The following ARHGAP26 variants were observed in gnomAD, a reference collection of about 807,000 sequenced individuals.
ARHGAP26 encodes Rho GTPase activating protein 26.
A neutral mutation model predicts 104.8 loss-of-function variants in ARHGAP26; 38 were observed. The observed-to-expected ratio is 0.36, with a 90% CI of 0.28 to 0.48. The LOEUF (loss-of-function observed/expected upper bound fraction) is 0.48, where lower values mean the gene tolerates loss of function less well. Ranked by LOEUF, ARHGAP26 falls within the 20% of genes least tolerant of loss-of-function variation. The probability of loss-of-function intolerance (pLI) is 0.99; values close to 1 mark genes in which losing one functional copy is unlikely to be tolerated. For missense variants in ARHGAP26, 704 were observed against 947.9 expected (o/e 0.74, Z 3.38); for synonymous variants, 341 against 340.0 (o/e 1.00, Z -0.03).
chr5:142,822,575 A>G (rs922551920), intron 1 of ARHGAP26, among the ~76,000 whole-genome samples: 1 of 152,148 alleles, frequency 6.6e-6, no homozygotes, highest in Non-Finnish European at 1.5e-5. Flanking sequence ...CATATTTATC[A>G]GATACCATAT....
intron 13 of ARHGAP26, 107 bp downstream of exon 13, chr5:143,037,368 C>T (rs904998665): frequency 1.2e-6 from 1 of 851,958 alleles, no homozygotes; most frequent in East Asian, 2.9e-5. Flanking sequence ...TCATTAGCTC[C>T]CCAAGTGCCA....
intron 11 of ARHGAP26, among the ~76,000 whole-genome samples, chr5:142,965,848 G>C (rs1771233696): frequency 6.6e-6 from 1 of 152,196 alleles, no homozygotes. Context: ...CAGTGATTTT[G>C]TTGGTCTCGT....
intron 5 of ARHGAP26, among the ~76,000 whole-genome samples, chr5:142,888,627 C>A (rs1425669843): frequency 6.6e-6 from 1 of 152,140 alleles, no homozygotes. Flanking sequence ...AAATTCCAGC[C>A]CATCCCTAGA....
chr5:142,993,104 C>T (rs529516615), intron 11 of ARHGAP26, among the ~76,000 whole-genome samples: 2 of 151,624 alleles, frequency 1.3e-5, no homozygotes, highest in African/African-American at 4.8e-5. Flanking sequence ...GCCTCAGCTT[C>T]CTGAGTAGCT....
chr5:142,997,727 C>G (rs1300697402), intron 11 of ARHGAP26, among the ~76,000 whole-genome samples: 1 of 151,914 alleles, frequency 6.6e-6, no homozygotes, highest in Non-Finnish European at 1.5e-5. Context: ...CAATAAATGC[C>G]CTTTTCACAC....
chr5:142,892,619 A>G (rs1352347635), intron 5 of ARHGAP26, among the ~76,000 whole-genome samples: 1 of 149,954 alleles, frequency 6.7e-6, no homozygotes, highest in Non-Finnish European at 1.5e-5. Context: ...TGGTTTGTTG[A>G]TTACTTTTAA....
chr5:143,109,339 CATTTT>C (rs1193737238), intron 17 of ARHGAP26, among the ~76,000 whole-genome samples: 1 of 152,216 alleles, frequency 6.6e-6, no homozygotes, highest in African/African-American at 2.4e-5. Flanking sequence ...GGGCCTGACA[CATTTT>C]AATTAAATAT....
intron 17 of ARHGAP26, chr5:143,058,070 G>A: frequency 1.8e-6 from 1 of 545,572 alleles, no homozygotes; most frequent in Non-Finnish European, 3.6e-6. Context: ...AATTTTGTGG[G>A]ATTATATGTT....
intron 1 of ARHGAP26, among the ~76,000 whole-genome samples, chr5:142,774,815 T>C (rs1157890437): frequency 6.6e-6 from 1 of 152,204 alleles, no homozygotes; most frequent in Admixed American, 6.5e-5. Context: ...CAGAATGTCA[T>C]GTAGTTGGAA....
At chr5:142,803,120 C>CTG (rs1762375112) in intron 1 of ARHGAP26, among the ~76,000 whole-genome samples, 1 of 151,932 alleles carries the variant, frequency 6.6e-6, no homozygotes, top group South Asian at 2.1e-4. Context: ...GTTAATTGAA[C>CTG]TGAAAGTACA....
rs144655258 is a variant in ARHGAP26 at position 143,207,611 on chromosome 5, G to C, written c.2099+303G>C. ...GGGACCATTTGCATGAATCAGCATG[G>C]CATTTTTCACACCCTTTTCAACCCT... On this transcript the variant is annotated intron_variant, in intron 21 of 22. Transcript: ENST00000645722. The C allele has an allele frequency of 1.4e-4, 151 of 1,077,328 alleles. No homozygotes were observed. In the African/African-American group the frequency reaches 2.2e-3, roughly 16 times the overall value. The allele number at this position is 1,077,328 out of a possible 1,614,324, so 66.7% of individuals were successfully genotyped here.
chr5:142,818,718 C>T (rs945059388), intron 1 of ARHGAP26, among the ~76,000 whole-genome samples: 2 of 152,062 alleles, frequency 1.3e-5, no homozygotes, highest in Non-Finnish European at 2.9e-5. Context: ...GTAAAGAGCC[C>T]GATTCACATG....
At chr5:143,062,025 A>C (rs578177506) in intron 17 of ARHGAP26, among the ~76,000 whole-genome samples, 1 of 152,212 alleles carries the variant, frequency 6.6e-6, no homozygotes, top group African/African-American at 2.4e-5. Context: ...GGAGGATTGG[A>C]TATCAGAATA....
intron 10 of ARHGAP26, among the ~76,000 whole-genome samples, chr5:142,928,183 A>G (rs1764185143): frequency 6.7e-6 from 1 of 150,004 alleles, no homozygotes; most frequent in African/African-American, 2.4e-5. Flanking sequence ...GGTGAAGTCC[A>G]ATTTTTCAAT....
At chr5:143,113,460 T>C (rs1795016671) in intron 17 of ARHGAP26, among the ~76,000 whole-genome samples, 3 of 152,196 alleles carry the variant, frequency 2.0e-5, no homozygotes, top group Admixed American at 2.0e-4. Flanking sequence ...TATATGGCCA[T>C]AATTATCTCC....
chr5:143,028,124 C>T (rs1781334467), intron 12 of ARHGAP26, among the ~76,000 whole-genome samples: 1 of 152,124 alleles, frequency 6.6e-6, no homozygotes, highest in African/African-American at 2.4e-5. Flanking sequence ...TACAGAAATT[C>T]CTTAACCTGA....
intron 17 of ARHGAP26, among the ~76,000 whole-genome samples, chr5:143,097,388 A>T (rs13160342): frequency 2.7e-5 from 4 of 150,144 alleles, no homozygotes; most frequent in African/African-American, 9.8e-5. Context: ...AAAAAAGAGC[A>T]TATCTGACTG....
chr5:142,854,512 A>G (rs984631496), intron 1 of ARHGAP26, among the ~76,000 whole-genome samples: 2 of 152,226 alleles, frequency 1.3e-5, no homozygotes, highest in Non-Finnish European at 2.9e-5. Context: ...TGCTCAATGA[A>G]GAGTTAAAGG....
intron 17 of ARHGAP26, among the ~76,000 whole-genome samples, chr5:143,076,366 G>A (rs575596512): frequency 2.0e-5 from 3 of 152,110 alleles, no homozygotes; most frequent in African/African-American, 7.2e-5. Flanking sequence ...CAATGTAAAG[G>A]AATCCTGATT....
Sources: gnomAD v4.1 joint callset for allele counts (sites outside exome capture counted in the v4.1 genomes callset) on GRCh38, gnomAD v4.1.1 for gene constraint, MANE v1.5 for transcripts, NCBI Gene and HGNC (gene_info 2026-07-23, HGNC 2026-07-21) for gene names.